Variants in TMEM202 observed in about 807,000 individuals in gnomAD.
TMEM202 encodes transmembrane protein 202.
TMEM202 carries 25 observed loss-of-function variants against 26.1 expected under a neutral mutation model. The observed-to-expected ratio is 0.96, with a 90% confidence interval of 0.70 to 1.34. The LOEUF (loss-of-function observed/expected upper bound fraction) is 1.34, where lower values mean the gene tolerates loss of function less well. Among genes scored for constraint, TMEM202 ranks in the 40% most tolerant of loss-of-function variants. The probability of loss-of-function intolerance (pLI) is 0.00; values close to 1 mark genes in which losing one functional copy is unlikely to be tolerated. For missense variants in TMEM202, 301 were observed against 327.7 expected (o/e 0.92, Z 0.63); for synonymous variants, 122 against 119.0 (o/e 1.02, Z -0.16).
In TMEM202 at chr15:72,398,310, GAGAAC is replaced by G; in HGVS notation, c.-16_-12del. The G allele has an allele frequency of 6.2e-7, 1 of 1,607,816 alleles. No homozygotes were observed. On this transcript the variant is annotated 5_prime_UTR_variant, in exon 1 of 5. Coordinates refer to ENST00000341689, the MANE Select transcript of TMEM202 (RefSeq NM_001080462.3). ...GCAGAGACAAATTCCGTGGCAGTTA[GAGAAC>G]TAACTGCCAAGATGGAGCGAAGGGA...
At chr15:72,405,113 A>G (rs1020030182) in intron 2 of TMEM202, among the ~76,000 whole-genome samples, 1 of 152,192 alleles carries the variant, frequency 6.6e-6, no homozygotes, top group Non-Finnish European at 1.5e-5. Flanking sequence ...GAACAAAATG[A>G]AACAAGGAGG....
chr15:72,403,805 G>T (rs984464300), intron 2 of TMEM202, among the ~76,000 whole-genome samples: 52 of 152,300 alleles, frequency 3.4e-4, no homozygotes, highest in African/African-American at 1.2e-3. Flanking sequence ...TATATAATTT[G>T]TTGTATATGA....
intron 2 of TMEM202, among the ~76,000 whole-genome samples, chr15:72,406,120 A>C (rs1187105656): frequency 6.6e-6 from 1 of 152,130 alleles, no homozygotes; most frequent in Non-Finnish European, 1.5e-5. Flanking sequence ...GATAATGGGG[A>C]AAATCACATC....
intron 1 of TMEM202, 46 bp from the exon 2 acceptor site, chr15:72,398,607 C>A: frequency 6.2e-7 from 1 of 1,604,730 alleles, no homozygotes; most frequent in Non-Finnish European, 8.5e-7. Context: ...CCCTGGGGAT[C>A]AGGGGTTATT....
At chr15:72,401,061 T>C (rs1307206328) in intron 2 of TMEM202, among the ~76,000 whole-genome samples, 2 of 152,198 alleles carry the variant, frequency 1.3e-5, no homozygotes, top group Non-Finnish European at 2.9e-5. Flanking sequence ...GCAGTGAGGA[T>C]GATCAGAGGT....
chr15:72,407,081 C>A lies in TMEM202; in HGVS notation c.488-5C>A. 1 of 1,611,496 alleles carries A rather than the reference C, an allele frequency of 6.2e-7. No homozygotes were observed. Among genetic ancestry groups the A allele is most frequent in the South Asian group, 1.1e-5 (1 of 90,876 alleles). ...GGGTTGTGACATCTTTCCTTCTGGT[C>A]CTAGCTACCTGCTTGCTCCTCTGCC... On this transcript the variant is annotated splice_region_variant and splice_polypyrimidine_tract_variant and intron_variant, in intron 3 of 4. Transcript: ENST00000341689.
chr15:72,404,251 C>A (rs111350191), intron 2 of TMEM202, among the ~76,000 whole-genome samples: 2 of 151,662 alleles, frequency 1.3e-5, no homozygotes, highest in African/African-American at 4.8e-5. Context: ...CCACCTCCAC[C>A]AAAAATACAA....
At chr15:72,400,332 A>G (rs1272145543) in intron 2 of TMEM202, among the ~76,000 whole-genome samples, 2 of 152,208 alleles carry the variant, frequency 1.3e-5, no homozygotes, top group African/African-American at 4.8e-5. Context: ...TTCAACCACC[A>G]TATTAACAGA....
At chr15:72,398,519 T>A in intron 1 of TMEM202, 112 bp downstream of exon 1, 1 of 1,421,488 alleles carries the variant, frequency 7.0e-7, no homozygotes, top group Non-Finnish European at 9.4e-7. Flanking sequence ...TTGTGGGGTT[T>A]TTTTTTTTTA....
chr15:72,400,814 C>T (rs937692058), intron 2 of TMEM202, among the ~76,000 whole-genome samples: 4 of 152,086 alleles, frequency 2.6e-5, no homozygotes, highest in Non-Finnish European at 4.4e-5. Flanking sequence ...AGAGGAGCCC[C>T]GAGGGCTGCT....
chr15:72,398,441 A>G, intron 1 of TMEM202, 34 bp downstream of exon 1: 1 of 1,563,576 alleles, frequency 6.4e-7, no homozygotes, highest in Non-Finnish European at 8.7e-7. Flanking sequence ...TCAGATGGGA[A>G]GAAGAGAACT....
Position 72,398,649 on chromosome 15 carries a change from G to T in TMEM202, c.82-4G>T. Reference sequence around the variant, plus strand: ...GGTAGGCAATATTTCCCTCATCCTTGTAGCCTACCGTCCCTGCCAAGAAAC... The same window carrying T: ...GGTAGGCAATATTTCCCTCATCCTTTTAGCCTACCGTCCCTGCCAAGAAAC... On this transcript the variant is annotated splice_polypyrimidine_tract_variant and splice_region_variant and intron_variant, in intron 1 of 4. Coordinates refer to ENST00000341689, the MANE Select transcript of TMEM202 (RefSeq NM_001080462.3). The T allele has an allele frequency of 6.2e-7, 1 of 1,613,888 alleles. No homozygotes were observed. The highest frequency in any genetic ancestry group is 2.2e-5 in the East Asian group (1 of 44,858).
chr15:72,401,303 G>A (rs952881992), intron 2 of TMEM202, among the ~76,000 whole-genome samples: 2 of 152,138 alleles, frequency 1.3e-5, no homozygotes, highest in East Asian at 1.9e-4. Flanking sequence ...TCAGCACTTT[G>A]GAAGGCTGAG....
chr15:72,400,722 A>G (rs1250533967), intron 2 of TMEM202, among the ~76,000 whole-genome samples: 2 of 152,184 alleles, frequency 1.3e-5, no homozygotes, highest in Non-Finnish European at 2.9e-5. Context: ...TTGGGCAAGA[A>G]AGAATTCAAG....
chr15:72,406,714 C>T lies in TMEM202; in HGVS notation c.450C>T (p.Asn150=). ...WILNRGSMTT[N]LDLKVSMLSF... ...TTAATCGAGGAAGCATGACCACCAA[C>T]TTGGATCTGAAGGTATCCATGCTCA... Residue 150 remains asparagine (N), a synonymous_variant, in exon 3 of 5, where the codon AAC becomes AAT. Coordinates refer to ENST00000341689, the MANE Select transcript of TMEM202 (RefSeq NM_001080462.3). 6.2e-7 allele frequency: 1 copy of T among 1,614,166 alleles called. No homozygotes were observed. Among genetic ancestry groups the T allele is most frequent in the Non-Finnish European group, 8.5e-7 (1 of 1,180,010 alleles).
intron 3 of TMEM202, 123 bp from the exon 4 acceptor site, chr15:72,406,963 C>T: frequency 7.2e-7 from 1 of 1,384,726 alleles, no homozygotes; most frequent in Non-Finnish European, 9.8e-7. Flanking sequence ...TGGTCAGTCC[C>T]CAGGTTTTTA....
At position 72,402,209 on chromosome 15, in the gene TMEM202, G is replaced by A. The variant is rs141869939; in HGVS notation, c.337+3301G>A. The stretch of plus-strand genomic sequence containing the variant: ...TTGAACTCCTGATCTCAGGTGATCC[G>A]CCTGCCTCGGCCTCCCAAAGTGCTC... On this transcript the variant is annotated intron_variant, in intron 2 of 4. Coordinates refer to ENST00000341689, the MANE Select transcript of TMEM202 (RefSeq NM_001080462.3). 3.6e-3 allele frequency among the ~76,000 whole-genome samples: 541 copies of A among 152,162 alleles called. 4 individuals are homozygous for A. The East Asian group carries it at 0.037, about 10-fold the overall frequency.
At position 72,406,649 on chromosome 15, in the gene TMEM202, A is replaced by G. The variant is rs1055486527; in HGVS notation, c.385A>G (p.Ile129Val). 1.1e-5 allele frequency: 17 copies of G among 1,613,942 alleles called. No homozygotes were observed. The highest frequency in any genetic ancestry group is 3.3e-5 in the South Asian group (3 of 91,062). Residue 129 changes from isoleucine (I) to valine (V), a missense_variant, in exon 3 of 5, where the codon ATA becomes GTA. Physicochemically the swap from Ile to Val is conservative, Grantham distance 29 (BLOSUM62 3). Transcript: ENST00000341689. ...RAFFLISVFT[I>V]LTGLGWLFSS... Reference sequence around the variant, plus strand: ...CTTCTTTCTCATCTCTGTCTTTACCATACTTACTGGCCTTGGCTGGCTCTT... The same window carrying G: ...CTTCTTTCTCATCTCTGTCTTTACCGTACTTACTGGCCTTGGCTGGCTCTT...
chr15:72,401,382 A>C (rs2063546961), intron 2 of TMEM202, among the ~76,000 whole-genome samples: 1 of 152,096 alleles, frequency 6.6e-6, no homozygotes, highest in African/African-American at 2.4e-5. Flanking sequence ...TGTCTCTACA[A>C]AAAATACAAA....
Sources: gnomAD v4.1 joint callset for allele counts (sites outside exome capture counted in the v4.1 genomes callset) on GRCh38, gnomAD v4.1.1 for gene constraint, MANE v1.5 for transcripts, NCBI Gene and HGNC (gene_info 2026-07-23, HGNC 2026-07-21) for gene names.